The following SOBP variants were observed in gnomAD, a reference collection of about 807,000 sequenced individuals.
SOBP encodes sine oculis-binding protein homolog.
A neutral mutation model predicts 53.6 loss-of-function variants in SOBP; 4 were observed. The observed-to-expected ratio is 0.07, with a 90% CI of 0.04 to 0.17. SOBP has a LOEUF of 0.17. SOBP is among the 10% of genes least tolerant of loss of function. SOBP has a pLI of 1.00. For synonymous variants in SOBP, 584 were observed against 522.6 expected (o/e 1.12, Z -1.60); for missense variants, 1,088 against 1,204.7 (o/e 0.90, Z 1.43).
chr6:107,629,906 A>T (rs1198859482), intron 5 of SOBP, among the ~76,000 whole-genome samples: 1 of 152,238 alleles, frequency 6.6e-6, no homozygotes, highest in African/African-American at 2.4e-5. Flanking sequence ...TGAATGGAAT[A>T]CGCATTTGTT....
At chr6:107,555,398 C>T (rs1206475486) in intron 4 of SOBP, among the ~76,000 whole-genome samples, 2 of 152,200 alleles carry the variant, frequency 1.3e-5, no homozygotes, top group East Asian at 3.8e-4. Context: ...ATTCTCAAAT[C>T]CTTGCCAAAT....
intron 6 of SOBP, among the ~76,000 whole-genome samples, chr6:107,657,245 T>C (rs1240931751): frequency 6.6e-6 from 1 of 152,200 alleles, no homozygotes; most frequent in Non-Finnish European, 1.5e-5. Flanking sequence ...GAAAGAAGGC[T>C]GCAGGTATCA....
At chr6:107,524,753 G>A (rs1450956796) in intron 3 of SOBP, among the ~76,000 whole-genome samples, 2 of 152,154 alleles carry the variant, frequency 1.3e-5, no homozygotes, top group African/African-American at 4.8e-5. Context: ...ATATAATTGT[G>A]GGCAAAAGAG....
intron 5 of SOBP, among the ~76,000 whole-genome samples, chr6:107,603,588 G>A (rs553804455): frequency 4.6e-5 from 7 of 152,320 alleles, no homozygotes; most frequent in African/African-American, 1.7e-4. Flanking sequence ...GTGGAAAACT[G>A]TCTCAAAAGC....
In SOBP at chr6:107,634,589, T is replaced by A; in HGVS notation, c.1745T>A (p.Leu582Gln). The A allele has an allele frequency of 6.2e-7, 1 of 1,602,882 alleles. No homozygotes were observed. The highest frequency in any genetic ancestry group is 8.5e-7 in the Non-Finnish European group (1 of 1,179,432). Reference sequence around the variant, plus strand: ...GGCGGCAAGCCAAGCGGACACTCCCTGTCCCCCCGGGACTCCAAGCAGGGC... The same window carrying A: ...GGCGGCAAGCCAAGCGGACACTCCCAGTCCCCCCGGGACTCCAAGCAGGGC... ...AAGGKPSGHSLSPRDSKQGSS... is the reference protein window; with the variant it reads ...AAGGKPSGHSQSPRDSKQGSS... Residue 582 changes from leucine to glutamine, a missense_variant, in exon 6 of 7, where the codon CTG (leucine) becomes CAG (glutamine). Physicochemically the swap from Leu to Gln is moderately radical, Grantham distance 113. This residue lies in a region of SOBP where 665 missense variants were observed against 629.7 expected (regional missense o/e 1.06). Coordinates refer to ENST00000317357, the MANE Select transcript of SOBP (RefSeq NM_018013.4). The surrounding 1 kb of genome is among the most constrained non-coding windows in gnomAD (Gnocchi z 4.5).
chr6:107,585,692 T>G (rs552589075), intron 4 of SOBP, among the ~76,000 whole-genome samples: 20 of 152,294 alleles, frequency 1.3e-4, no homozygotes, highest in African/African-American at 4.6e-4. Context: ...CCCACAAACT[T>G]CTTGTAACCT....
chr6:107,651,826 G>A (rs1446424724), intron 6 of SOBP, among the ~76,000 whole-genome samples: 1 of 152,108 alleles, frequency 6.6e-6, no homozygotes, highest in Non-Finnish European at 1.5e-5. Context: ...AAATCCTAGG[G>A]CCTTTAAGAA....
intron 1 of SOBP, among the ~76,000 whole-genome samples, chr6:107,500,378 TAAA>T (rs752236655): frequency 1.7e-4 from 19 of 112,166 alleles, no homozygotes; most frequent in East Asian, 2.4e-4. Flanking sequence ...AGACCCTGTC[TAAA>T]AAAAAAAAAA....
intron 4 of SOBP, among the ~76,000 whole-genome samples, chr6:107,579,703 T>G (rs988000195): frequency 7.9e-5 from 12 of 152,322 alleles, no homozygotes; most frequent in African/African-American, 2.9e-4. Context: ...TTTAAGGAGA[T>G]TCTCATGGAG....
intron 3 of SOBP, among the ~76,000 whole-genome samples, chr6:107,522,537 C>CTTTCTT (rs1783541712): frequency 1.3e-5 from 1 of 74,098 alleles, no homozygotes. Flanking sequence ...AGTATAAAAA[C>CTTTCTT]TTTTTTTTTT....
chr6:107,525,053 T>C (rs1408800695), intron 3 of SOBP, among the ~76,000 whole-genome samples: 4 of 152,230 alleles, frequency 2.6e-5, no homozygotes, highest in African/African-American at 9.6e-5. Context: ...ATGGAAGTCT[T>C]TTTTAAAAAT....
chr6:107,576,659 T>C (rs1785233647), intron 4 of SOBP, among the ~76,000 whole-genome samples: 1 of 152,186 alleles, frequency 6.6e-6, no homozygotes, highest in South Asian at 2.1e-4. Context: ...AAGCCAAAGC[T>C]GCAGGGAATC....
At chr6:107,501,293 C>T (rs899982677) in intron 1 of SOBP, among the ~76,000 whole-genome samples, 1 of 152,144 alleles carries the variant, frequency 6.6e-6, no homozygotes, top group Admixed American at 6.5e-5. Context: ...CTTCTGGATC[C>T]CATTCCTGGA....
intron 4 of SOBP, among the ~76,000 whole-genome samples, chr6:107,549,192 G>A (rs962372952): frequency 8.6e-5 from 13 of 151,936 alleles, no homozygotes; most frequent in African/African-American, 2.4e-4. Flanking sequence ...GCATGAACCC[G>A]GGAGGCGGAG....
chr6:107,549,143 TGTAGTCCC>T (rs1186078647), intron 4 of SOBP, among the ~76,000 whole-genome samples: 1 of 151,996 alleles, frequency 6.6e-6, no homozygotes, highest in African/African-American at 2.4e-5. Flanking sequence ...GGCAGGTGCC[TGTAGTCCC>T]AGCTACTCGG....
At chr6:107,560,449 C>T (rs1320035940) in intron 4 of SOBP, among the ~76,000 whole-genome samples, 2 of 152,166 alleles carry the variant, frequency 1.3e-5, no homozygotes, top group African/African-American at 4.8e-5. Context: ...TCCTTCCTCT[C>T]TGGATTCTCT....
intron 5 of SOBP, among the ~76,000 whole-genome samples, chr6:107,613,474 T>C (rs533958236): frequency 1.3e-5 from 2 of 152,370 alleles, no homozygotes; most frequent in South Asian, 4.1e-4. Context: ...TGTTACTCCA[T>C]GATTACCTTG....
At chr6:107,590,807 G>A (rs534860999) in intron 5 of SOBP, among the ~76,000 whole-genome samples, 69 of 152,216 alleles carry the variant, frequency 4.5e-4, no homozygotes, top group East Asian at 3.9e-3. Context: ...TCATTTCCTC[G>A]TGGATGTAGA....
chr6:107,634,302 G>A lies in SOBP; in HGVS notation c.1458G>A (p.Pro486=). 5 of 1,567,778 alleles carry A rather than the reference G, an allele frequency of 3.2e-6. No homozygotes were observed. Among genetic ancestry groups the A allele is most frequent in the South Asian group, 1.1e-5 (1 of 87,506 alleles). Reference sequence around the variant, plus strand: ...CGCCGCCTCCGGGCGCCCCGCTGCCGAGTCTTCCCTTCCCGCCAGTGAGCA... The same window carrying A: ...CGCCGCCTCCGGGCGCCCCGCTGCCAAGTCTTCCCTTCCCGCCAGTGAGCA... ...LPPPPPGAPL[P]SLPFPPVSMM... The change falls in exon 6 of 7, where the codon CCG becomes CCA. Residue 486 remains proline (P), a synonymous_variant. Coordinates refer to ENST00000317357, the MANE Select transcript of SOBP (RefSeq NM_018013.4). This position sits in a 1 kb window ranked among gnomAD's most constrained non-coding sequence, Gnocchi z 4.5.
Sources: allele counts gnomAD v4.1 joint callset (sites outside exome capture counted in the v4.1 genomes callset), GRCh38; gene constraint gnomAD v4.1.1; regional missense constraint gnomAD v4.1.1; non-coding constraint Gnocchi (gnomAD v3.1); transcripts MANE v1.5; gene names NCBI Gene and HGNC (gene_info 2026-07-23, HGNC 2026-07-21).